The following MSH6 variants were observed in gnomAD, a reference collection of about 807,000 sequenced individuals.
MSH6 encodes DNA mismatch repair protein Msh6.
A neutral mutation model predicts 119.1 loss-of-function variants in MSH6; 85 were observed. The observed-to-expected ratio is 0.71, with a 90% confidence interval of 0.60 to 0.85. The LOEUF (loss-of-function observed/expected upper bound fraction) is 0.85, where lower values mean the gene tolerates loss of function less well. Ranked by LOEUF, MSH6 falls within the 40% of genes least tolerant of loss-of-function variation. The probability of loss-of-function intolerance (pLI) is 0.00; values close to 1 mark genes in which losing one functional copy is unlikely to be tolerated. For missense variants in MSH6, 2,163 were observed against 1,655.3 expected (o/e 1.31, Z -5.32); for synonymous variants, 830 against 586.9 (o/e 1.41, Z -5.99).
At chr2:47,786,513 A>T (rs879850329) in intron 1 of MSH6, among the ~76,000 whole-genome samples, 3 of 21,662 alleles carry the variant, frequency 1.4e-4, no homozygotes, top group African/African-American at 2.1e-4. Flanking sequence ...TTTTGTGTTT[A>T]TAGTAGAGAC....
At chr2:47,794,527 C>T (rs992326423) in intron 2 of MSH6, among the ~76,000 whole-genome samples, 2 of 152,054 alleles carry the variant, frequency 1.3e-5, no homozygotes, top group African/African-American at 4.8e-5. Flanking sequence ...CCGCCTTGGC[C>T]TCCCAAAATG....
Position 47,800,128 on chromosome 2 carries a change from C to T in MSH6, c.2145C>T (p.Asp715=), listed in dbSNP as rs1221484522. ...AAGAATATATTCCCTTGGATTCTGA[C>T]ACAGTCAGCACTACAAGATCTGGTG... The part of the protein sequence containing the change: ...NFEEYIPLDS[D]TVSTTRSGAI... The change falls in exon 4 of 10, where the codon GAC becomes GAT. Residue 715 remains aspartate, a synonymous_variant. Coordinates refer to ENST00000234420, the MANE Select transcript of MSH6 (RefSeq NM_000179.3). The T allele has an allele frequency of 6.2e-7, 1 of 1,614,170 alleles. No homozygotes were observed. The highest frequency in any genetic ancestry group is 8.5e-7 in the Non-Finnish European group (1 of 1,180,028).
intron 6 of MSH6, 108 bp from the exon 7 acceptor site, chr2:47,805,510 C>T: frequency 2.4e-6 from 2 of 825,672 alleles, no homozygotes; most frequent in East Asian, 2.5e-5. Flanking sequence ...GAGATTTAAT[C>T]TTTTATACCA....
chr2:47,794,091 A>G (rs991692526), intron 2 of MSH6, among the ~76,000 whole-genome samples: 7 of 150,646 alleles, frequency 4.6e-5, no homozygotes, highest in African/African-American at 1.5e-4. Context: ...CTGTAATCCC[A>G]GCACTTTGGG....
At chr2:47,804,804 G>A (rs1023262055) in intron 5 of MSH6, 106 bp from the exon 6 acceptor site, 1 of 842,506 alleles carries the variant, frequency 1.2e-6, no homozygotes, top group Non-Finnish European at 2.1e-6. Context: ...GATTGTGAAA[G>A]TTGTTTTAGA....
chr2:47,798,941 C>A lies in MSH6; in HGVS notation c.958C>A (p.Pro320Thr), dbSNP rs754879198. Reference protein sequence around the residue: ...LKRKSSRKETPSATKQATSIS... With the variant: ...LKRKSSRKETTSATKQATSIS... ...AAGGAAAAGCTCTAGGAAGGAAACG[C>A]CCTCAGCCACCAAACAAGCAACTAG... The change falls in exon 4 of 10, where the codon CCC becomes ACC. Residue 320 changes from proline (P) to threonine (T), a missense_variant. Coordinates refer to ENST00000234420, the MANE Select transcript of MSH6 (RefSeq NM_000179.3). 2 of 1,614,036 alleles carry A rather than the reference C, an allele frequency of 1.2e-6. No individual in the cohort carries two copies. The highest frequency in any genetic ancestry group is 1.3e-5 in the African/African-American group (1 of 74,912).
intron 2 of MSH6, among the ~76,000 whole-genome samples, chr2:47,793,100 C>T (rs1458393417): frequency 1.3e-5 from 2 of 151,704 alleles, no homozygotes; most frequent in East Asian, 1.9e-4. Flanking sequence ...GCAGGTGGAT[C>T]ACCTGAGGTC....
downstream of MSH6, chr2:47,808,681 A>C (rs529028599): frequency 5.4e-4 from 208 of 384,016 alleles, 1 homozygote; most frequent in Non-Finnish European, 8.1e-4. Context: ...AAGCCTCTCA[A>C]ATGTTTCTGG....
At chr2:47,807,101 C>G (rs1008087350), downstream of MSH6, 7 of 499,152 alleles carry the variant, frequency 1.4e-5, no homozygotes, top group African/African-American at 1.2e-4. Flanking sequence ...CCCACTGTCA[C>G]CAATACACAT....
Position 47,806,368 on chromosome 2 carries a change from A to G in MSH6, c.3801+10A>G, listed in dbSNP as rs1572745467. On this transcript the variant is annotated intron_variant, in intron 8 of 9. Coordinates refer to ENST00000234420, the MANE Select transcript of MSH6 (RefSeq NM_000179.3). ...GCGCCTAGGACATATGGTATGTGCAAATTGTTTTTTTCCACAAATTCGGTT... is the reference window on the plus strand; with the variant it reads ...GCGCCTAGGACATATGGTATGTGCAGATTGTTTTTTTCCACAAATTCGGTT... 6.2e-7 allele frequency: 1 copy of G among 1,614,010 alleles called. No individual in the cohort carries two copies. Among genetic ancestry groups the G allele is most frequent in the South Asian group, 1.1e-5 (1 of 91,078 alleles).
At chr2:47,795,548 C>T (rs1023531200) in intron 2 of MSH6, among the ~76,000 whole-genome samples, 2 of 151,334 alleles carry the variant, frequency 1.3e-5, no homozygotes, top group Admixed American at 6.6e-5. Context: ...TCACTGCAAC[C>T]TCTGCCTCCC....
In MSH6 at chr2:47,803,597, G is replaced by T. The variant is rs773245315; in HGVS notation, c.3350G>T (p.Cys1117Phe). The change falls in exon 5 of 10, where the codon TGT (cysteine) becomes TTT (phenylalanine). Residue 1117 changes from cysteine (C) to phenylalanine (F), a missense_variant. Cys to Phe is a radical substitution (Grantham distance 205). Transcript: ENST00000234420. Reference sequence around the variant, plus strand: ...ATTCCTAATGACATTCTAATAGGCTGTGAGGAAGAGGAGCAGGAAAATGGC... The same window carrying T: ...ATTCCTAATGACATTCTAATAGGCTTTGAGGAAGAGGAGCAGGAAAATGGC... ...DFIPNDILIG[C>F]EEEEQENGKA... 1.2e-6 allele frequency: 2 copies of T among 1,614,066 alleles called. No individual in the cohort carries two copies. Among genetic ancestry groups the T allele is most frequent in the Admixed American group, 3.3e-5 (2 of 60,002 alleles).
intron 1 of MSH6, chr2:47,783,905 G>A: frequency 9.9e-7 from 1 of 1,008,444 alleles, no homozygotes; most frequent in Non-Finnish European, 1.2e-6. Flanking sequence ...GGGCGGGGCG[G>A]GGGGCGGGGT....
At chr2:47,795,109 A>G (rs1668988950) in intron 2 of MSH6, among the ~76,000 whole-genome samples, 1 of 152,086 alleles carries the variant, frequency 6.6e-6, no homozygotes, top group Non-Finnish European at 1.5e-5. Flanking sequence ...TTTTTAAGAA[A>G]GATTCTCAAA....
At chr2:47,803,948 TC>T (rs1322400288) in intron 5 of MSH6, among the ~76,000 whole-genome samples, 2 of 152,234 alleles carry the variant, frequency 1.3e-5, no homozygotes, top group Admixed American at 6.5e-5. Context: ...TGAATTCATT[TC>T]CTCAGAAGGT....
At position 47,799,973 on chromosome 2, in the gene MSH6, T is replaced by G. The variant is rs1558663809; in HGVS notation, c.1990T>G (p.Ser664Ala). The G allele has an allele frequency of 1.9e-6, 3 of 1,614,090 alleles. No homozygotes were observed. In the East Asian group the frequency reaches 6.7e-5, roughly 36 times the overall value. The change falls in exon 4 of 10, where the codon TCA (serine) becomes GCA (alanine). Residue 664 changes from serine to alanine, a missense_variant. Transcript: ENST00000234420. ...ACCCCAGGTGCTTAAAGGTATGACT[T>G]CAGAGTCTGATTCCATTGGGTTGAC... is the stretch of plus-strand genomic sequence containing the variant. ...MLPQVLKGMT[S>A]ESDSIGLTPG...
chr2:47,805,439 A>T (rs1022227900), intron 6 of MSH6, among the ~76,000 whole-genome samples, 179 bp from the exon 7 acceptor site: 1 of 152,214 alleles, frequency 6.6e-6, no homozygotes, highest in African/African-American at 2.4e-5. Context: ...CGGCCTCCCA[A>T]AGTGCTGGGA....
intron 2 of MSH6, among the ~76,000 whole-genome samples, chr2:47,794,998 T>A (rs571074645): frequency 6.6e-6 from 1 of 152,296 alleles, no homozygotes; most frequent in Non-Finnish European, 1.5e-5. Context: ...TTTCACCATA[T>A]TGGTCAGGTT....
rs1441753856 is a variant in MSH6 at position 47,793,318 on chromosome 2, C to CTCAAAAAAAAAAAA, written c.457+2195_457+2196insTCAAAAAAAAAAAA. ...CCTGGGTGACAGAGCGAGACTGTCT[C>CTCAAAAAAAAAAAA]AAAAAAAAAAAAAAAAAAAAAAAAA... On this transcript the variant is annotated intron_variant, in intron 2 of 9. Transcript: ENST00000234420. Among the ~76,000 whole-genome samples the CTCAAAAAAAAAAAA allele has an allele frequency of 5.3e-4, 26 of 48,812 alleles. 5 individuals carry two copies. Among genetic ancestry groups the CTCAAAAAAAAAAAA allele is most frequent in the Admixed American group, 7.1e-4 (2 of 2,798 alleles). 32.0% of individuals were successfully genotyped at this position (48,812 alleles called of 152,430 possible).
Sources: allele counts gnomAD v4.1 joint callset (sites outside exome capture counted in the v4.1 genomes callset), GRCh38; gene constraint gnomAD v4.1.1; transcripts MANE v1.5; gene names NCBI Gene and HGNC (gene_info 2026-07-23, HGNC 2026-07-21).